Variants in PHF24 observed in about 807,000 individuals in gnomAD.
PHF24 encodes Galpha inhibitory interacting protein.
PHF24 carries 25 observed loss-of-function variants against 42.6 expected under a neutral mutation model. The ratio of observed to expected loss-of-function variants is 0.59; its 90% CI spans 0.43 to 0.82. The LOEUF (loss-of-function observed/expected upper bound fraction) is 0.82. Ranked by LOEUF, PHF24 falls within the 40% of genes least tolerant of loss-of-function variation. The probability of loss-of-function intolerance (pLI) is 0.00; values close to 1 mark genes in which losing one functional copy is unlikely to be tolerated. For synonymous variants in PHF24, 185 were observed against 204.8 expected (o/e 0.90, Z 0.83); for missense variants, 470 against 538.1 (o/e 0.87, Z 1.25).
the PHF24 span, chr9:34,728,036 G>C: frequency 6.4e-7 from 1 of 1,552,200 alleles, no homozygotes; most frequent in Non-Finnish European, 8.7e-7. Flanking sequence ...TAATGATGGA[G>C]AGCAGCTTCT....
chr9:34,705,844 G>A, the PHF24 span, among the ~76,000 whole-genome samples: 3 of 152,204 alleles, frequency 2.0e-5, no homozygotes, highest in Admixed American at 1.3e-4. Context: ...CGGGTGGAGC[G>A]CTTGAGCCCA....
At chr9:34,918,353 T>A in the PHF24 span, 2 of 730,618 alleles carry the variant, frequency 2.7e-6, no homozygotes, top group South Asian at 2.9e-5. Flanking sequence ...ACTCCAACTC[T>A]TCCCCCTCTC....
chr9:34,819,252 T>C, the PHF24 span, among the ~76,000 whole-genome samples: 2 of 152,106 alleles, frequency 1.3e-5, no homozygotes, highest in South Asian at 2.1e-4. Flanking sequence ...ATTAAGATTC[T>C]ATATTGTTTT....
At chr9:34,816,391 A>G in the PHF24 span, among the ~76,000 whole-genome samples, 2 of 152,218 alleles carry the variant, frequency 1.3e-5, no homozygotes, top group Non-Finnish European at 2.9e-5. Context: ...CTTTTTACGT[A>G]TCCCCACAGA....
At chr9:34,887,956 T>C in the PHF24 span, among the ~76,000 whole-genome samples, 2 of 152,118 alleles carry the variant, frequency 1.3e-5, no homozygotes, top group Non-Finnish European at 2.9e-5. Flanking sequence ...TTCTCCAGCT[T>C]GGCAACCTCA....
the PHF24 span, among the ~76,000 whole-genome samples, chr9:34,921,991 A>G: frequency 2.0e-5 from 3 of 152,248 alleles, no homozygotes; most frequent in Non-Finnish European, 4.4e-5. Context: ...ATGAAAACAG[A>G]TAACTCCCTA....
At chr9:34,665,650 T>C in the PHF24 span, 1 of 694,224 alleles carries the variant, frequency 1.4e-6, no homozygotes, top group Non-Finnish European at 2.6e-6. Context: ...TATCTCCTCA[T>C]TCCCGACATG....
the PHF24 span, chr9:34,922,225 G>C: frequency 1.9e-6 from 3 of 1,591,790 alleles, no homozygotes; most frequent in Admixed American, 1.7e-5. Context: ...TTGTCTCCTC[G>C]GGTATCCGAT....
chr9:34,880,375 A>G, the PHF24 span, among the ~76,000 whole-genome samples: 313 of 152,216 alleles, frequency 2.1e-3, no homozygotes, highest in Non-Finnish European at 3.3e-3. Flanking sequence ...GTAAATGTAA[A>G]TGGGCTAAAT....
the PHF24 span, among the ~76,000 whole-genome samples, chr9:34,720,301 T>C: frequency 1.3e-5 from 2 of 151,726 alleles, no homozygotes; most frequent in African/African-American, 4.8e-5. Flanking sequence ...AAAAATTAGC[T>C]GGGTGCGGTG....
At chr9:34,754,032 C>G in the PHF24 span, among the ~76,000 whole-genome samples, 1 of 152,024 alleles carries the variant, frequency 6.6e-6, no homozygotes, top group South Asian at 2.1e-4. Context: ...GTATTAAAGA[C>G]TTAAATATAA....
Position 34,958,991 on chromosome 9 carries a change from C to T in PHF24, c.-5+590C>T, listed in dbSNP as rs1031004032. ...CCTTACTTGTATCCCCACACCGTGG[C>T]CCAGAGGTGGGGGCCTTCTAGGGCT... is the stretch of plus-strand genomic sequence containing the variant. On this transcript the variant is annotated intron_variant, in intron 1 of 7. Coordinates refer to ENST00000242315, the Ensembl canonical transcript of PHF24. This position sits in a 1 kb window ranked among gnomAD's most constrained non-coding sequence, Gnocchi z 4.5. Among the ~76,000 whole-genome samples the T allele has an allele frequency of 6.6e-6, 1 of 152,206 alleles. No individual in the cohort carries two copies. Among genetic ancestry groups the T allele is most frequent in the Non-Finnish European group, 1.5e-5 (1 of 68,040 alleles).
the PHF24 span, among the ~76,000 whole-genome samples, chr9:34,870,133 C>T: frequency 2.8e-4 from 42 of 151,974 alleles, no homozygotes; most frequent in African/African-American, 9.9e-4. Flanking sequence ...ATGCCCCCAC[C>T]CCAGCAAAAC....
chr9:34,707,986 T>C, the PHF24 span, among the ~76,000 whole-genome samples: 1 of 152,152 alleles, frequency 6.6e-6, no homozygotes, highest in Non-Finnish European at 1.5e-5. Flanking sequence ...TGCCTTGGCC[T>C]CCCAAAGTGC....
rs912443319 is a variant in PHF24 at position 34,959,360 on chromosome 9, C to A, written c.-5+959C>A. Among the ~76,000 whole-genome samples, 7 of 152,198 alleles carry A rather than the reference C, an allele frequency of 4.6e-5. No homozygotes were observed. In the East Asian group the frequency reaches 5.8e-4, roughly 13 times the overall value. On this transcript the variant is annotated intron_variant, in intron 1 of 7. Coordinates refer to ENST00000242315, the Ensembl canonical transcript of PHF24. ...GTTTAAACATCTCATATAACTCTTA[C>A]AACAGCTTTGTGAAATTATCCCCTT... is the stretch of plus-strand genomic sequence containing the variant.
the PHF24 span, chr9:34,723,154 G>A: frequency 6.8e-7 from 1 of 1,465,580 alleles, no homozygotes; most frequent in Non-Finnish European, 9.1e-7. Context: ...CAGTTGGGGA[G>A]CCTATAAACT....
upstream of PHF24, among the ~76,000 whole-genome samples, chr9:34,955,020 A>G (rs138768470): frequency 6.6e-6 from 1 of 152,316 alleles, no homozygotes; most frequent in East Asian, 1.9e-4. Context: ...TTTTTAACAT[A>G]ATTTTACACG....
chr9:34,752,983 C>G, the PHF24 span, among the ~76,000 whole-genome samples: 7 of 152,096 alleles, frequency 4.6e-5, 1 homozygote, highest in South Asian at 1.0e-3. Context: ...ATTTAACATC[C>G]CTTCATGATA....
the PHF24 span, among the ~76,000 whole-genome samples, chr9:34,823,591 G>A: frequency 4.6e-5 from 7 of 152,096 alleles, no homozygotes; most frequent in South Asian, 1.0e-3. Context: ...TCCTGGAGAC[G>A]TTGGGGCCTC....
Sources: gnomAD v4.1 joint callset for allele counts (sites outside exome capture counted in the v4.1 genomes callset) on GRCh38, gnomAD v4.1.1 for gene constraint, Gnocchi (gnomAD v3.1) non-coding constraint, MANE v1.5 for transcripts, NCBI Gene and HGNC (gene_info 2026-07-23, HGNC 2026-07-21) for gene names.